The following SPTBN1 variants were observed in gnomAD, a reference collection of about 807,000 sequenced individuals.
The protein encoded by SPTBN1 is spectrin beta, non-erythrocytic 1.
A neutral mutation model predicts 266.4 loss-of-function variants in SPTBN1; 32 were observed. The ratio of observed to expected loss-of-function variants is 0.12; its 90% CI spans 0.09 to 0.16. SPTBN1 has a LOEUF of 0.16. Among genes scored for constraint, SPTBN1 ranks in the 10% least tolerant of loss-of-function variants. The pLI is 1.00. For missense variants in SPTBN1, 2,296 were observed against 3,067.1 expected (o/e 0.75, Z 5.94); for synonymous variants, 1,336 against 1,162.2 (o/e 1.15, Z -3.04).
chr2:54,578,690 T>A (rs1386832488), intron 2 of SPTBN1, among the ~76,000 whole-genome samples: 1 of 152,156 alleles, frequency 6.6e-6, no homozygotes, highest in Non-Finnish European at 1.5e-5. Context: ...ATTTATTATT[T>A]ATACCCTGCC....
chr2:54,641,404 T>A (rs1192461574), intron 18 of SPTBN1, among the ~76,000 whole-genome samples: 1 of 152,266 alleles, frequency 6.6e-6, no homozygotes, highest in Non-Finnish European at 1.5e-5. Context: ...GTTTTGTGTG[T>A]ATGTACAGAA....
intron 2 of SPTBN1, among the ~76,000 whole-genome samples, chr2:54,590,843 G>C (rs972565170): frequency 6.6e-6 from 1 of 152,162 alleles, no homozygotes; most frequent in Non-Finnish European, 1.5e-5. Flanking sequence ...CAGAGATTTG[G>C]ACTGTCTTCT....
intron 1 of SPTBN1, among the ~76,000 whole-genome samples, chr2:54,514,972 A>G (rs574800050): frequency 7.2e-5 from 11 of 152,378 alleles, no homozygotes; most frequent in African/African-American, 2.4e-4. Flanking sequence ...ATTAGAAAAT[A>G]TGGTTTAGGA....
intron 2 of SPTBN1, among the ~76,000 whole-genome samples, chr2:54,561,045 A>C (rs1304219959): frequency 6.6e-6 from 1 of 152,278 alleles, no homozygotes; most frequent in African/African-American, 2.4e-5. Context: ...AATTTTGTAC[A>C]TTCCTGCAAG....
rs575965909 is a variant in SPTBN1 at position 54,490,287 on chromosome 2, G to A, written c.-48+33769G>A. Among the ~76,000 whole-genome samples the A allele has an allele frequency of 5.9e-5, 9 of 152,194 alleles. No homozygotes were observed. The East Asian group carries it at 1.7e-3, about 29-fold the overall frequency. On this transcript the variant is annotated intron_variant, in intron 1 of 35. Transcript: ENST00000356805. ...GGGTTTCACCATGTTGGCCAGGCTG[G>A]TCTTGAACTCCTGACCTCAGGTGAT...
chr2:54,620,042 C>T (rs906247567), intron 7 of SPTBN1, among the ~76,000 whole-genome samples: 2 of 152,194 alleles, frequency 1.3e-5, no homozygotes, highest in African/African-American at 4.8e-5. Context: ...AAGTTGAGTG[C>T]TTACTCAATA....
chr2:54,591,843 GTTCA>G (rs1385983643), intron 2 of SPTBN1, among the ~76,000 whole-genome samples: 1 of 152,182 alleles, frequency 6.6e-6, no homozygotes, highest in East Asian at 1.9e-4. Flanking sequence ...CTAACACAGT[GTTCA>G]TTTTTTCAGT....
rs772306009 is a variant in SPTBN1 at position 54,599,086 on chromosome 2, T to G, written c.149-6T>G. 1 of 1,613,942 alleles carries G rather than the reference T, an allele frequency of 6.2e-7. No homozygotes were observed. ...AATGGTAAAACAAGTTCTTCTCTGC[T>G]TGCAGATGAGCGTGAAGCCGTGCAG... On this transcript the variant is annotated splice_polypyrimidine_tract_variant and splice_region_variant and intron_variant, in intron 2 of 35. Transcript: ENST00000356805.
intron 2 of SPTBN1, among the ~76,000 whole-genome samples, chr2:54,597,616 C>G (rs985080952): frequency 6.6e-6 from 1 of 152,132 alleles, no homozygotes; most frequent in Admixed American, 6.6e-5. Flanking sequence ...CCTGCCAGGT[C>G]GGCAGCTGTA....
chr2:54,512,378 G>A (rs1367642909), intron 1 of SPTBN1, among the ~76,000 whole-genome samples: 2 of 152,148 alleles, frequency 1.3e-5, no homozygotes, highest in Non-Finnish European at 2.9e-5. Flanking sequence ...GCATACAAAG[G>A]GGAAAGGCTT....
At chr2:54,480,879 C>T (rs182454777) in intron 1 of SPTBN1, among the ~76,000 whole-genome samples, 1 of 151,900 alleles carries the variant, frequency 6.6e-6, no homozygotes, top group Admixed American at 6.6e-5. Context: ...TTATTGAAGC[C>T]CTGGCCAGCT....
chr2:54,572,699 G>A (rs1355737626), intron 2 of SPTBN1, among the ~76,000 whole-genome samples: 9 of 152,160 alleles, frequency 5.9e-5, no homozygotes, highest in African/African-American at 2.2e-4. Flanking sequence ...ATTTCAATTT[G>A]GAGGTGGGAT....
At chr2:54,589,371 C>A (rs1286637800) in intron 2 of SPTBN1, among the ~76,000 whole-genome samples, 1 of 152,134 alleles carries the variant, frequency 6.6e-6, no homozygotes, top group Non-Finnish European at 1.5e-5. Context: ...GCCTGCAGTG[C>A]CTTGGTCTCC....
intron 2 of SPTBN1, among the ~76,000 whole-genome samples, chr2:54,552,543 A>G (rs930760927): frequency 3.6e-5 from 4 of 111,496 alleles, no homozygotes; most frequent in African/African-American, 1.2e-4. Context: ...TGCAACCTCA[A>G]CCTCCCAGAT....
intron 24 of SPTBN1, among the ~76,000 whole-genome samples, chr2:54,647,577 A>G (rs1680003298): frequency 6.6e-6 from 1 of 152,176 alleles, no homozygotes; most frequent in Non-Finnish European, 1.5e-5. Context: ...AGTGGCTTAC[A>G]CTTGTAATCC....
In SPTBN1 at chr2:54,456,826, C is replaced by CCGGCG. The variant is rs1038756502; in HGVS notation, c.-48+319_-48+323dup. On this transcript the variant is annotated intron_variant, in intron 1 of 35. Coordinates refer to ENST00000356805, the MANE Select transcript of SPTBN1 (RefSeq NM_003128.3). ...GCACCGCTGCCGTCCGGCCCCAGCC[C>CCGGCG]CGGCGCGGCGCGGCGATTCCTCCTC... Among the ~76,000 whole-genome samples, 17 of 151,444 alleles carry CCGGCG rather than the reference C, an allele frequency of 1.1e-4. No individual in the cohort carries two copies. In the South Asian group the frequency reaches 1.5e-3, roughly 13 times the overall value.
At chr2:54,657,348 G>C (rs2104186123) in intron 29 of SPTBN1, among the ~76,000 whole-genome samples, 1 of 151,884 alleles carries the variant, frequency 6.6e-6, no homozygotes, top group African/African-American at 2.4e-5. Flanking sequence ...GTGAATTCCT[G>C]CAGGTCTCTG....
chr2:54,616,296 T>C lies in SPTBN1; in HGVS notation c.564T>C (p.Ala188=), dbSNP rs201382982. Residue 188 remains alanine, a splice_region_variant and synonymous_variant, in exon 5 of 36, where the codon GCT becomes GCC. Coordinates refer to ENST00000356805, the MANE Select transcript of SPTBN1 (RefSeq NM_003128.3). ...ALLLWCQMKT[A]GYPNVNIHNF... ...TGTTGTGGTGCCAGATGAAGACAGC[T>C]GGGTGAGTGTGAATGAAGAGGGTAT... 4 of 1,613,458 alleles carry C rather than the reference T, an allele frequency of 2.5e-6. No individual in the cohort carries two copies. In the Admixed American group the frequency reaches 6.7e-5, roughly 27 times the overall value.
At chr2:54,577,858 C>T (rs560156658) in intron 2 of SPTBN1, among the ~76,000 whole-genome samples, 1 of 152,288 alleles carries the variant, frequency 6.6e-6, no homozygotes, top group East Asian at 1.9e-4. Flanking sequence ...CCTGGGCAAC[C>T]TTGATTTAGT....
Sources: allele counts gnomAD v4.1 joint callset (sites outside exome capture counted in the v4.1 genomes callset), GRCh38; gene constraint gnomAD v4.1.1; transcripts MANE v1.5; gene names NCBI Gene and HGNC (gene_info 2026-07-23, HGNC 2026-07-21).